The following NFATC2 variants were observed in gnomAD, a reference collection of about 807,000 sequenced individuals.
NFATC2 encodes the protein nuclear factor of activated T cells 2.
Under a neutral mutation model 87.3 loss-of-function variants are expected in NFATC2, and 22 were observed. The observed-to-expected ratio is 0.25, with a 90% CI of 0.18 to 0.36. The LOEUF is 0.36. NFATC2 is among the 10% of genes least tolerant of loss of function. The probability of loss-of-function intolerance (pLI) is 1.00; values close to 1 mark genes in which losing one functional copy is unlikely to be tolerated. For synonymous variants in NFATC2, 565 were observed against 542.2 expected, an observed-to-expected ratio of 1.04 and a Z score of -0.58; for missense variants, 1,149 against 1,259.1, an observed-to-expected ratio of 0.91 and a Z score of 1.32.
chr20:51,416,320 GA>G (rs1185018232), intron 9 of NFATC2, among the ~76,000 whole-genome samples: 1 of 152,180 alleles, frequency 6.6e-6, no homozygotes, highest in Non-Finnish European at 1.5e-5. Context: ...GGTCCAGAGA[GA>G]AAACAGAGGA....
chr20:51,405,550 G>A (rs1988478786), intron 9 of NFATC2, among the ~76,000 whole-genome samples: 1 of 152,154 alleles, frequency 6.6e-6, no homozygotes, highest in Non-Finnish European at 1.5e-5. Flanking sequence ...TGGCTCCTGT[G>A]GCCCTGGTGT....
At chr20:51,431,708 A>G (rs1329335721) in intron 9 of NFATC2, among the ~76,000 whole-genome samples, 2 of 151,874 alleles carry the variant, frequency 1.3e-5, no homozygotes, top group East Asian at 1.9e-4. Flanking sequence ...TTTCCTTCCT[A>G]TTTTCTTGGC....
intron 1 of NFATC2, among the ~76,000 whole-genome samples, chr20:51,540,658 G>GTTTTTTTTTTTTTTTTTTTTTT (rs397864888): frequency 1.8e-5 from 2 of 110,054 alleles, no homozygotes; most frequent in African/African-American, 7.4e-5. Flanking sequence ...TTTTTTTTTT[G>GTTTTTTTTTTTTTTTTTTTTTT]TTTTTTTTTT....
At chr20:51,515,786 G>T (rs2076342078) in intron 3 of NFATC2, among the ~76,000 whole-genome samples, 1 of 151,978 alleles carries the variant, frequency 6.6e-6, no homozygotes, top group Admixed American at 6.6e-5. Context: ...GGAGATTTGG[G>T]GAGTTTGCTG....
chr20:51,431,629 C>T (rs1982724796), intron 9 of NFATC2, among the ~76,000 whole-genome samples: 1 of 152,170 alleles, frequency 6.6e-6, no homozygotes, highest in South Asian at 2.1e-4. Context: ...CCCTCTCCCT[C>T]CCTCAAATAT....
chr20:51,445,905 G>A (rs1984998679), intron 6 of NFATC2, among the ~76,000 whole-genome samples: 2 of 152,202 alleles, frequency 1.3e-5, no homozygotes, highest in African/African-American at 4.8e-5. Flanking sequence ...ACAGAGGTCG[G>A]ATTTCAGCTC....
chr20:51,409,336 T>C (rs562147590), intron 9 of NFATC2, among the ~76,000 whole-genome samples: 4 of 152,004 alleles, frequency 2.6e-5, no homozygotes, highest in Non-Finnish European at 4.4e-5. Flanking sequence ...CTGGAAACAA[T>C]CAAATGCCCA....
intron 3 of NFATC2, among the ~76,000 whole-genome samples, chr20:51,489,569 C>A (rs1165805058): frequency 6.6e-6 from 1 of 152,206 alleles, no homozygotes; most frequent in Non-Finnish European, 1.5e-5. Context: ...TCAACTTCTT[C>A]TCAACTGCAT....
intron 3 of NFATC2, among the ~76,000 whole-genome samples, chr20:51,481,980 T>C (rs983290960): frequency 3.9e-5 from 6 of 152,148 alleles, no homozygotes; most frequent in African/African-American, 1.4e-4. Flanking sequence ...ATGAGAACGG[T>C]GAGGCTCAAC....
intron 6 of NFATC2, among the ~76,000 whole-genome samples, chr20:51,441,356 A>T (rs774745098): frequency 6.6e-6 from 1 of 152,132 alleles, no homozygotes; most frequent in Non-Finnish European, 1.5e-5. Context: ...TTCTGTCCCC[A>T]AAGTTTACTC....
At chr20:51,521,302 T>A (rs942871936) in intron 2 of NFATC2, among the ~76,000 whole-genome samples, 1 of 152,192 alleles carries the variant, frequency 6.6e-6, no homozygotes, top group Admixed American at 6.5e-5. Context: ...TACCTTTATC[T>A]ATTTAGGTAC....
At chr20:51,414,463 C>T (rs894897400) in intron 9 of NFATC2, among the ~76,000 whole-genome samples, 8 of 151,438 alleles carry the variant, frequency 5.3e-5, no homozygotes, top group South Asian at 2.1e-4. Context: ...CCGAGGTGGG[C>T]GGATCACCTG....
upstream of NFATC2, among the ~76,000 whole-genome samples, chr20:51,545,059 A>G (rs768465979): frequency 1.3e-5 from 2 of 152,352 alleles, no homozygotes; most frequent in African/African-American, 4.8e-5. Context: ...TAGGATACTT[A>G]TAGACAGGTA....
chr20:51,534,589 C>T (rs1169757580), intron 1 of NFATC2, among the ~76,000 whole-genome samples: 2 of 152,348 alleles, frequency 1.3e-5, no homozygotes, highest in Admixed American at 6.5e-5. Context: ...CCCACCTCGG[C>T]CTCCCAGTGC....
intron 5 of NFATC2, among the ~76,000 whole-genome samples, chr20:51,464,793 A>G (rs375974448): frequency 2.0e-5 from 3 of 152,234 alleles, no homozygotes; most frequent in Non-Finnish European, 2.9e-5. Context: ...ATCACTCAAT[A>G]TGTAGTTAAG....
At chr20:51,400,796 T>C (rs1987953322) in intron 9 of NFATC2, among the ~76,000 whole-genome samples, 1 of 151,824 alleles carries the variant, frequency 6.6e-6, no homozygotes. Context: ...ATTTCTCAGG[T>C]CAAGTTAGTA....
intron 9 of NFATC2, among the ~76,000 whole-genome samples, chr20:51,411,049 CTG>C: frequency 6.6e-6 from 1 of 152,132 alleles, no homozygotes; most frequent in South Asian, 2.1e-4. Flanking sequence ...GGTATTTACT[CTG>C]TGCCAGGCCT....
chr20:51,402,678 T>A (rs143098654), intron 9 of NFATC2, among the ~76,000 whole-genome samples: 21 of 152,204 alleles, frequency 1.4e-4, no homozygotes, highest in African/African-American at 4.6e-4. Flanking sequence ...TTTAAGACAT[T>A]TGAGTATATG....
intron 3 of NFATC2, among the ~76,000 whole-genome samples, chr20:51,487,968 T>G (rs1989858701): frequency 6.6e-6 from 1 of 152,182 alleles, no homozygotes; most frequent in South Asian, 2.1e-4. Flanking sequence ...AGACGGGCTC[T>G]GTCGGTGACC....
Sources: gnomAD v4.1 joint callset for allele counts (sites outside exome capture counted in the v4.1 genomes callset) on GRCh38, gnomAD v4.1.1 for gene constraint, MANE v1.5 for transcripts, NCBI Gene and HGNC (gene_info 2026-07-23, HGNC 2026-07-21) for gene names.